The following KLRG1 variants were observed in gnomAD, a reference collection of about 807,000 sequenced individuals.
KLRG1 encodes killer cell lectin like receptor G1.
In KLRG1, 16 loss-of-function variants were observed where a neutral mutation model predicts 21.8. That is an observed-to-expected ratio of 0.73 (90% confidence interval 0.50 to 1.11). The LOEUF is 1.11. KLRG1 is among the 50% of genes most tolerant of loss of function. KLRG1 has a pLI of 0.00. For missense variants in KLRG1, 173 were observed against 218.3 expected (o/e 0.79, Z 1.31); for synonymous variants, 69 against 75.9 (o/e 0.91, Z 0.47).
the KLRG1 span, among the ~76,000 whole-genome samples, chr12:9,031,542 T>A: frequency 6.6e-6 from 1 of 152,316 alleles, no homozygotes; most frequent in East Asian, 1.9e-4. Flanking sequence ...CCTCATGTAT[T>A]TGGGCACCAA....
the KLRG1 span, among the ~76,000 whole-genome samples, chr12:9,141,857 G>A: frequency 3.2e-3 from 481 of 152,288 alleles, no homozygotes; most frequent in African/African-American, 5.2e-3. Context: ...GATAAGGTCC[G>A]ACTTATTCCA....
chr12:8,992,159 C>T, intron 1 of KLRG1, 47 bp from the exon 2 acceptor site: 1 of 1,496,050 alleles, frequency 6.7e-7, no homozygotes, highest in Non-Finnish European at 9.2e-7. Flanking sequence ...TCTTTTCTTT[C>T]AACCTGTCAT....
chr12:9,140,587 G>T, the KLRG1 span, among the ~76,000 whole-genome samples: 4 of 152,160 alleles, frequency 2.6e-5, no homozygotes, highest in Non-Finnish European at 5.9e-5. Flanking sequence ...TTGTTACCTA[G>T]GCCTTTTAAA....
chr12:9,108,167 C>A, the KLRG1 span, among the ~76,000 whole-genome samples: 1 of 151,786 alleles, frequency 6.6e-6, no homozygotes, highest in Admixed American at 6.6e-5. Context: ...GCTCTGTCGC[C>A]CAGGCTGGAG....
At chr12:9,157,162 T>C in the KLRG1 span, 23 of 1,609,428 alleles carry the variant, frequency 1.4e-5, no homozygotes, top group South Asian at 2.4e-4. Flanking sequence ...CTCCCACTTA[T>C]AAGTGCTCTC....
upstream of KLRG1, among the ~76,000 whole-genome samples, chr12:8,985,151 G>T: frequency 7.1e-6 from 1 of 141,158 alleles, no homozygotes; most frequent in Admixed American, 7.6e-5. Flanking sequence ...TTTTCCTCTG[G>T]TCTATGACAG....
At chr12:9,110,282 C>T in the KLRG1 span, 2 of 1,442,938 alleles carry the variant, frequency 1.4e-6, no homozygotes, top group South Asian at 2.6e-5. Flanking sequence ...GTATTGCTTT[C>T]CTTTTAATAT....
chr12:9,066,706 A>G, the KLRG1 span: 2 of 152,208 alleles, frequency 1.3e-5, no homozygotes, highest in Non-Finnish European at 2.9e-5. Flanking sequence ...AGCACCACAC[A>G]GAAGTGATAG....
the KLRG1 span, among the ~76,000 whole-genome samples, chr12:9,074,990 A>G: frequency 3.3e-5 from 5 of 152,330 alleles, no homozygotes; most frequent in Admixed American, 2.0e-4. Context: ...TCAGAAGCCT[A>G]TGCCTATCTA....
chr12:9,100,506 T>C, the KLRG1 span, among the ~76,000 whole-genome samples: 1 of 152,144 alleles, frequency 6.6e-6, no homozygotes, highest in Non-Finnish European at 1.5e-5. Flanking sequence ...CTCAAACTCC[T>C]GACCTCAAGA....
chr12:9,033,114 C>A, the KLRG1 span, among the ~76,000 whole-genome samples: 1 of 152,134 alleles, frequency 6.6e-6, no homozygotes, highest in Non-Finnish European at 1.5e-5. Flanking sequence ...ATTGCAGAGA[C>A]AAATTCCTTG....
the KLRG1 span, chr12:9,079,303 G>A: frequency 1.4e-5 from 23 of 1,613,738 alleles, no homozygotes; most frequent in Non-Finnish European, 1.9e-5. Flanking sequence ...AGCCATCATA[G>A]TGTTTGTAGT....
chr12:8,990,198 T>G (rs937950861), intron 1 of KLRG1: 4 of 152,166 alleles, frequency 2.6e-5, no homozygotes, highest in African/African-American at 7.2e-5. Context: ...TGTTTTTTTT[T>G]TTTAACTTCA....
At chr12:9,066,975 C>T in the KLRG1 span, 1 of 152,114 alleles carries the variant, frequency 6.6e-6, no homozygotes, top group Non-Finnish European at 1.5e-5. Context: ...ATATATGTCG[C>T]AATACTTACT....
chr12:9,107,714 C>T, the KLRG1 span: 1 of 1,569,638 alleles, frequency 6.4e-7, no homozygotes, highest in Admixed American at 1.7e-5. Context: ...CTATTTATAT[C>T]TCCCCTTTAG....
chr12:9,072,429 C>T, the KLRG1 span: 96 of 1,613,590 alleles, frequency 5.9e-5, no homozygotes, highest in Admixed American at 1.7e-5. Context: ...AGAGTCTGCA[C>T]TCCTAAAGCA....
At chr12:9,099,467 G>T in the KLRG1 span, 1 of 1,608,810 alleles carries the variant, frequency 6.2e-7, no homozygotes, top group Non-Finnish European at 8.5e-7. Context: ...ATGAGCAACC[G>T]AGCGACAGGA....
the KLRG1 span, among the ~76,000 whole-genome samples, chr12:9,187,934 C>T: frequency 6.6e-6 from 1 of 152,246 alleles, no homozygotes; most frequent in African/African-American, 2.4e-5. Context: ...TTGCTACCAG[C>T]CTGAAAACCC....
At chr12:9,003,104 G>T (rs117269929) in intron 3 of KLRG1, among the ~76,000 whole-genome samples, 2,023 of 152,188 alleles carry the variant, frequency 0.013, 18 homozygotes, top group Non-Finnish European at 0.019. Context: ...AAGTGATTTA[G>T]AATTATATGG....
Sources: allele counts gnomAD v4.1 joint callset (sites outside exome capture counted in the v4.1 genomes callset), GRCh38; gene constraint gnomAD v4.1.1; transcripts MANE v1.5; gene names NCBI Gene and HGNC (gene_info 2026-07-23, HGNC 2026-07-21).